The following PLA2G4A variants were observed in gnomAD, a reference collection of about 807,000 sequenced individuals.
PLA2G4A encodes phospholipase A2 group IVA.
Under a neutral mutation model 81.9 loss-of-function variants are expected in PLA2G4A, and 40 were observed. The observed-to-expected ratio is 0.49, with a 90% CI of 0.38 to 0.64. The LOEUF is 0.64. Ranked by LOEUF, PLA2G4A falls within the 30% of genes least tolerant of loss-of-function variation. The pLI is 0.00. For synonymous variants in PLA2G4A, 302 were observed against 296.9 expected (o/e 1.02, Z -0.18); for missense variants, 715 against 905.1 (o/e 0.79, Z 2.69).
At chr1:186,839,170 G>A (rs1302598105) in intron 1 of PLA2G4A, among the ~76,000 whole-genome samples, 1 of 152,194 alleles carries the variant, frequency 6.6e-6, no homozygotes, top group East Asian at 1.9e-4. Context: ...TCCTCCATGG[G>A]TGGAAGCAGT....
At chr1:186,962,828 G>A (rs1312328141) in intron 14 of PLA2G4A, among the ~76,000 whole-genome samples, 1 of 430 alleles carries the variant, frequency 2.3e-3, no homozygotes, top group East Asian at 0.25. Context: ...GTCACTTTGT[G>A]TTATTATTTT....
intron 1 of PLA2G4A, among the ~76,000 whole-genome samples, chr1:186,853,109 CG>C (rs1652432861): frequency 6.6e-6 from 1 of 151,634 alleles, no homozygotes; most frequent in Non-Finnish European, 1.5e-5. Flanking sequence ...GAATGAAGAA[CG>C]GGGGGAATCC....
chr1:186,965,358 A>G, intron 14 of PLA2G4A, 51 bp from the exon 15 acceptor site: 1 of 1,297,356 alleles, frequency 7.7e-7, no homozygotes, highest in East Asian at 2.3e-5. Flanking sequence ...GATGATAAAT[A>G]CTGATGAATG....
chr1:186,831,559 T>C (rs754128962), intron 1 of PLA2G4A, among the ~76,000 whole-genome samples: 2 of 152,172 alleles, frequency 1.3e-5, no homozygotes, highest in Non-Finnish European at 2.9e-5. Flanking sequence ...TTGTGGGGTG[T>C]CTATATTTAC....
intron 3 of PLA2G4A, among the ~76,000 whole-genome samples, chr1:186,888,069 G>GA (rs1470661219): frequency 4.6e-5 from 7 of 152,268 alleles, no homozygotes; most frequent in African/African-American, 1.4e-4. Context: ...TCTGGCTAAA[G>GA]AATCAAGAGG....
In PLA2G4A at chr1:186,940,650, A is replaced by G. The variant is rs1359647727; in HGVS notation, c.1033+556A>G. On this transcript the variant is annotated intron_variant, in intron 10 of 17. Coordinates refer to ENST00000367466, the MANE Select transcript of PLA2G4A (RefSeq NM_024420.3). ...CAATGCCTAATACAGTGTAAATGCT[A>G]GGTAAATAGTTGTTATATTGTTAGG... Among the ~76,000 whole-genome samples, 9 of 152,186 alleles carry G rather than the reference A, an allele frequency of 5.9e-5. No homozygotes were observed. In the East Asian group the frequency reaches 1.7e-3, roughly 29 times the overall value.
intron 17 of PLA2G4A, among the ~76,000 whole-genome samples, chr1:186,988,151 C>T (rs982033252): frequency 6.6e-6 from 1 of 152,166 alleles, no homozygotes; most frequent in Non-Finnish European, 1.5e-5. Flanking sequence ...TTTCCAGAAT[C>T]CTTCTTTCCC....
At chr1:186,872,540 C>A (rs1276795272) in intron 3 of PLA2G4A, among the ~76,000 whole-genome samples, 2 of 151,698 alleles carry the variant, frequency 1.3e-5, no homozygotes, top group Non-Finnish European at 2.9e-5. Context: ...ATCAATGAAG[C>A]GTTCTGTTGT....
At chr1:186,849,732 A>G (rs574682880) in intron 1 of PLA2G4A, among the ~76,000 whole-genome samples, 1 of 151,454 alleles carries the variant, frequency 6.6e-6, no homozygotes, top group East Asian at 1.9e-4. Flanking sequence ...ATTTTATACA[A>G]CTCTATTTCC....
chr1:186,850,491 A>G (rs1315612397), intron 1 of PLA2G4A, among the ~76,000 whole-genome samples: 1 of 142,608 alleles, frequency 7.0e-6, no homozygotes, highest in Non-Finnish European at 1.5e-5. Flanking sequence ...CTACCCCTAG[A>G]TTGCCTCATT....
intron 8 of PLA2G4A, among the ~76,000 whole-genome samples, chr1:186,935,222 G>GTAAT (rs1225895515): frequency 6.6e-6 from 1 of 151,696 alleles, no homozygotes. Context: ...ACTAGTAAAA[G>GTAAT]TAATTAAAAG....
intron 10 of PLA2G4A, among the ~76,000 whole-genome samples, chr1:186,941,663 T>C (rs1471451123): frequency 6.6e-6 from 1 of 152,234 alleles, no homozygotes; most frequent in Non-Finnish European, 1.5e-5. Flanking sequence ...TTCTGATGTG[T>C]ACATAGTGAT....
At chr1:186,870,839 C>T (rs149972535) in intron 3 of PLA2G4A, 1 of 726,318 alleles carries the variant, frequency 1.4e-6, no homozygotes, top group East Asian at 3.5e-5. Flanking sequence ...GTTCTGCCTT[C>T]TTCAAATGTG....
intron 3 of PLA2G4A, among the ~76,000 whole-genome samples, chr1:186,878,953 C>CA (rs1653624668): frequency 6.6e-6 from 1 of 151,748 alleles, no homozygotes; most frequent in Non-Finnish European, 1.5e-5. Context: ...TAAGAGAATA[C>CA]CTCTGCTGCT....
intron 3 of PLA2G4A, among the ~76,000 whole-genome samples, chr1:186,884,257 T>A (rs868208333): frequency 7.5e-6 from 1 of 134,030 alleles, no homozygotes; most frequent in Non-Finnish European, 1.6e-5. Context: ...ATCCTCCCCC[T>A]TTTTTTTTTT....
intron 5 of PLA2G4A, among the ~76,000 whole-genome samples, chr1:186,899,550 G>C (rs1327056897): frequency 6.6e-6 from 1 of 152,192 alleles, no homozygotes; most frequent in East Asian, 1.9e-4. Flanking sequence ...GCCTAGACAA[G>C]TTTGATGGGA....
intron 8 of PLA2G4A, 49 bp downstream of exon 8, chr1:186,932,948 T>A (rs1265475563): frequency 2.3e-6 from 3 of 1,319,970 alleles, no homozygotes; most frequent in Non-Finnish European, 3.3e-6. Flanking sequence ...ATATTTAGGA[T>A]TTATCTAACT....
At chr1:186,829,632 GA>G (rs201180480) in intron 1 of PLA2G4A, among the ~76,000 whole-genome samples, 26 of 146,678 alleles carry the variant, frequency 1.8e-4, no homozygotes, top group African/African-American at 5.8e-4. Context: ...CTTGCCAAGA[GA>G]AAAAAAAAAT....
At chr1:186,910,933 T>G (rs1197316078) in intron 6 of PLA2G4A, among the ~76,000 whole-genome samples, 1 of 152,218 alleles carries the variant, frequency 6.6e-6, no homozygotes, top group Non-Finnish European at 1.5e-5. Flanking sequence ...GCCAAACAAA[T>G]ATAAACAGGG....
Sources: allele counts gnomAD v4.1 joint callset (sites outside exome capture counted in the v4.1 genomes callset), GRCh38; gene constraint gnomAD v4.1.1; transcripts MANE v1.5; gene names NCBI Gene and HGNC (gene_info 2026-07-23, HGNC 2026-07-21).